The following VPS33A variants were observed in gnomAD, a reference collection of about 807,000 sequenced individuals.
The protein encoded by VPS33A is vacuolar protein sorting-associated protein 33A.
Under a neutral mutation model 71.8 loss-of-function variants are expected in VPS33A, and 32 were observed. The ratio of observed to expected loss-of-function variants is 0.45; its 90% CI spans 0.34 to 0.60. The LOEUF is 0.60. VPS33A is among the 20% of genes least tolerant of loss of function. The pLI is 0.02. For missense variants in VPS33A, 625 were observed against 748.5 expected, an observed-to-expected ratio of 0.84 and a Z score of 1.92; for synonymous variants, 311 against 292.7, an observed-to-expected ratio of 1.06 and a Z score of -0.64.
At chr12:122,256,747 C>T (rs976925043) in intron 4 of VPS33A, among the ~76,000 whole-genome samples, 4 of 152,096 alleles carry the variant, frequency 2.6e-5, no homozygotes, top group African/African-American at 4.8e-5. Context: ...CAAAGGCGAA[C>T]GCAGCCTACA....
In VPS33A at chr12:122,232,176, T is replaced by C. The variant is rs958032433; in HGVS notation, c.*70A>G. 3.4e-6 allele frequency: 5 copies of C among 1,453,050 alleles called. No individual in the cohort carries two copies. The highest frequency in any genetic ancestry group is 1.4e-5 in the African/African-American group (1 of 69,846). The allele number at this position is 1,453,050 out of a possible 1,614,324, so 90.0% of individuals were successfully genotyped here. On this transcript the variant is annotated 3_prime_UTR_variant, in exon 13 of 13. Coordinates refer to ENST00000267199, the MANE Select transcript of VPS33A (RefSeq NM_022916.6). ...CCATGTTTCTTCTATGGGGTTTTAC[T>C]TCCTTTCAGCAATTTCTTCAAAGAG...
chr12:122,265,735 T>C (rs1019348106), intron 1 of VPS33A: 4 of 454,026 alleles, frequency 8.8e-6, no homozygotes, highest in Non-Finnish European at 1.3e-5. Context: ...CCTAAGGGGA[T>C]GAAGGAGAGG....
chr12:122,251,726 A>G (rs1018097696), intron 4 of VPS33A, among the ~76,000 whole-genome samples: 5 of 152,050 alleles, frequency 3.3e-5, no homozygotes, highest in Non-Finnish European at 5.9e-5. Flanking sequence ...TTGAACAATG[A>G]GAACACTTGG....
At chr12:122,260,497 C>G (rs1954978895) in intron 4 of VPS33A, among the ~76,000 whole-genome samples, 1 of 151,892 alleles carries the variant, frequency 6.6e-6, no homozygotes, top group East Asian at 1.9e-4. Flanking sequence ...CGGGGTTTCC[C>G]CATGTTTCCC....
At chr12:122,255,683 G>T (rs1370237136) in intron 4 of VPS33A, among the ~76,000 whole-genome samples, 1 of 138,274 alleles carries the variant, frequency 7.2e-6, no homozygotes, top group Non-Finnish European at 1.5e-5. Context: ...CTCCAGCCTG[G>T]GGAACAAGAG....
At chr12:122,257,497 C>A (rs867344374) in intron 4 of VPS33A, among the ~76,000 whole-genome samples, 2 of 146,322 alleles carry the variant, frequency 1.4e-5, no homozygotes, top group African/African-American at 5.1e-5. Context: ...CACGGTGAAA[C>A]CCCGTCTCTA....
intron 10 of VPS33A, among the ~76,000 whole-genome samples, chr12:122,236,252 A>G (rs1430126654): frequency 6.6e-6 from 1 of 152,218 alleles, no homozygotes; most frequent in Non-Finnish European, 1.5e-5. Flanking sequence ...TCTAAAAAAG[A>G]GTAAGGCATA....
chr12:122,232,443 T>A lies in VPS33A; in HGVS notation c.1610-16A>T. On this transcript the variant is annotated splice_polypyrimidine_tract_variant and intron_variant, in intron 12 of 12. Transcript: ENST00000267199. ...CCCGGTTGACCTAAAATTTAAACAT[T>A]TCAGAATTAAAAACTATTTATTATT... is the stretch of plus-strand genomic sequence containing the variant. The A allele has an allele frequency of 6.2e-7, 1 of 1,603,380 alleles. No homozygotes were observed.
intron 9 of VPS33A, 74 bp downstream of exon 9, chr12:122,239,804 T>C: frequency 8.0e-6 from 6 of 747,454 alleles, no homozygotes; most frequent in East Asian, 1.1e-4. Flanking sequence ...ATCAAAGCAA[T>C]TGGTTTTCTG....
Position 122,252,356 on chromosome 12 carries a change from C to A in VPS33A, c.484-1257G>T, listed in dbSNP as rs377319558. Among the ~76,000 whole-genome samples the A allele has an allele frequency of 3.3e-5, 5 of 152,124 alleles. No homozygotes were observed. The South Asian group carries it at 8.3e-4, about 25-fold the overall frequency. On this transcript the variant is annotated intron_variant, in intron 4 of 12. Transcript: ENST00000267199. ...CGATCTCGGCTCACTGCAAGCTCCACCTACTGGGTTCACACCATTCTCCTG... is the reference window on the plus strand; with the variant it reads ...CGATCTCGGCTCACTGCAAGCTCCAACTACTGGGTTCACACCATTCTCCTG...
At chr12:122,263,942 T>C (rs914188301) in intron 2 of VPS33A, among the ~76,000 whole-genome samples, 192 bp downstream of exon 2, 1 of 152,194 alleles carries the variant, frequency 6.6e-6, no homozygotes, top group African/African-American at 2.4e-5. Context: ...AATGGTCACA[T>C]AATATAATGC....
At chr12:122,254,242 C>T in intron 4 of VPS33A, among the ~76,000 whole-genome samples, 1 of 152,164 alleles carries the variant, frequency 6.6e-6, no homozygotes, top group East Asian at 1.9e-4. Context: ...GATGTACCTC[C>T]TGAAGCCAAT....
intron 4 of VPS33A, among the ~76,000 whole-genome samples, chr12:122,253,738 C>T (rs1468304358): frequency 1.3e-5 from 2 of 151,934 alleles, no homozygotes; most frequent in Non-Finnish European, 2.9e-5. Flanking sequence ...TGCTCTATCA[C>T]CCAGGCTGGA....
Position 122,242,382 on chromosome 12 carries a change from T to C in VPS33A, c.1096A>G (p.Thr366Ala). The C allele has an allele frequency of 6.2e-7, 1 of 1,612,894 alleles. No homozygotes were observed. The change falls in exon 8 of 13, where the codon ACT (threonine) becomes GCT (alanine). Residue 366 changes from threonine (T) to alanine (A), a missense_variant and splice_region_variant. Transcript: ENST00000267199. ...AACAATCATTACAAAGGATACTCACTAGTGACATCTTTGATCAATTCTGCA... is the reference window on the plus strand; with the variant it reads ...AACAATCATTACAAAGGATACTCACCAGTGACATCTTTGATCAATTCTGCA... The part of the protein sequence containing the change: ...SIAELIKDVT[T>A]SEDFFDKLTV...
rs148998247 is a variant in VPS33A at position 122,257,669 on chromosome 12, T to C, written c.483+3592A>G. On this transcript the variant is annotated intron_variant, in intron 4 of 12. Coordinates refer to ENST00000267199, the MANE Select transcript of VPS33A (RefSeq NM_022916.6). Reference sequence around the variant, plus strand: ...GCCTGGGTGACAGTGTGAGACTCCATCTCAAAAAAAAAAAGATTTTCTTCT... The same window carrying C: ...GCCTGGGTGACAGTGTGAGACTCCACCTCAAAAAAAAAAAGATTTTCTTCT... Among the ~76,000 whole-genome samples, 1,255 of 150,886 alleles carry C rather than the reference T, an allele frequency of 8.3e-3. 19 individuals carry two copies. The highest frequency in any genetic ancestry group is 0.045 in the South Asian group (214 of 4,790).
intron 6 of VPS33A, among the ~76,000 whole-genome samples, chr12:122,247,513 CAAT>C (rs774855983): frequency 2.2e-4 from 33 of 152,156 alleles, no homozygotes; most frequent in Admixed American, 1.4e-3. Context: ...TTTTGACAAA[CAAT>C]AATAATAAGA....
At chr12:122,240,390 T>C (rs1001873461) in intron 8 of VPS33A, among the ~76,000 whole-genome samples, 3 of 152,124 alleles carry the variant, frequency 2.0e-5, no homozygotes, top group South Asian at 2.1e-4. Flanking sequence ...AGTCATCACC[T>C]GAAGAAAATC....
At chr12:122,258,986 CAA>C (rs749562489) in intron 4 of VPS33A, among the ~76,000 whole-genome samples, 1,017 of 53,184 alleles carry the variant, frequency 0.019, 18 homozygotes, top group African/African-American at 0.049. Flanking sequence ...CAATCCATCT[CAA>C]AAAAAAAAAA....
In VPS33A at chr12:122,232,332, C is replaced by T. The variant is rs757723269; in HGVS notation, c.1705G>A (p.Asp569Asn). ...AALRFLSQLEDGGTEYVIATT... is the reference protein window; with the variant it reads ...AALRFLSQLENGGTEYVIATT... ...GCAATGACATATTCTGTACCTCCAT[C>T]TTCCAACTGGGAGAGAAATCGCAGG... Residue 569 changes from aspartate to asparagine, a missense_variant, in exon 13 of 13, where the codon GAT (aspartate) becomes AAT (asparagine). Transcript: ENST00000267199. 6.2e-7 allele frequency: 1 copy of T among 1,614,226 alleles called. No individual in the cohort carries two copies. Among genetic ancestry groups the T allele is most frequent in the South Asian group, 1.1e-5 (1 of 91,084 alleles).
Sources: gnomAD v4.1 joint callset for allele counts (sites outside exome capture counted in the v4.1 genomes callset) on GRCh38, gnomAD v4.1.1 for gene constraint, MANE v1.5 for transcripts, NCBI Gene and HGNC (gene_info 2026-07-23, HGNC 2026-07-21) for gene names.